Variants in ENTREP2 observed in about 807,000 individuals in gnomAD.
The protein encoded by ENTREP2 is protein ENTREP2.
chr15:29,130,273 C>T, the ENTREP2 span, among the ~76,000 whole-genome samples: 1 of 152,222 alleles, frequency 6.6e-6, no homozygotes, highest in Non-Finnish European at 1.5e-5. Context: ...CCTTAGCCCT[C>T]TCATTCTGCT....
the ENTREP2 span, among the ~76,000 whole-genome samples, chr15:29,491,176 G>A: frequency 6.6e-6 from 1 of 152,198 alleles, no homozygotes; most frequent in African/African-American, 2.4e-5. Flanking sequence ...CCGAGTGTGG[G>A]GCCGCTGCCT....
At chr15:29,625,376 G>A in the ENTREP2 span, among the ~76,000 whole-genome samples, 1 of 152,190 alleles carries the variant, frequency 6.6e-6, no homozygotes, top group Non-Finnish European at 1.5e-5. Flanking sequence ...CTACTGGGTT[G>A]TATTGTTAGT....
chr15:29,236,875 T>TA, the ENTREP2 span, among the ~76,000 whole-genome samples: 4 of 145,550 alleles, frequency 2.7e-5, no homozygotes, highest in East Asian at 4.0e-4. Flanking sequence ...ATAGTTGAAA[T>TA]AAAAAAAAGA....
chr15:29,551,611 TG>T, the ENTREP2 span, among the ~76,000 whole-genome samples: 1 of 151,938 alleles, frequency 6.6e-6, no homozygotes, highest in African/African-American at 2.4e-5. Context: ...AAAAACTAAA[TG>T]GTTCTTTTCT....
chr15:29,224,023 C>A, the ENTREP2 span, among the ~76,000 whole-genome samples: 1 of 152,212 alleles, frequency 6.6e-6, no homozygotes, highest in African/African-American at 2.4e-5. Context: ...GTCGCACTGA[C>A]TTCCAGAACG....
chr15:29,517,766 C>T, the ENTREP2 span, among the ~76,000 whole-genome samples: 21 of 152,100 alleles, frequency 1.4e-4, no homozygotes, highest in African/African-American at 5.1e-4. Flanking sequence ...CATTTTATGT[C>T]ATTTTTCTTC....
the ENTREP2 span, among the ~76,000 whole-genome samples, chr15:29,179,530 C>T: frequency 3.3e-5 from 5 of 150,978 alleles, no homozygotes; most frequent in Non-Finnish European, 5.9e-5. Flanking sequence ...TTTGAGTCAT[C>T]GGAGTCTGCG....
the ENTREP2 span, among the ~76,000 whole-genome samples, chr15:29,401,457 T>C: frequency 6.6e-6 from 1 of 152,326 alleles, no homozygotes; most frequent in South Asian, 2.1e-4. Context: ...AGATAAGTAT[T>C]TTTTTCAACG....
the ENTREP2 span, among the ~76,000 whole-genome samples, chr15:29,161,888 C>T: frequency 1.3e-4 from 20 of 152,082 alleles, no homozygotes; most frequent in East Asian, 3.7e-3. Context: ...AGCTCCAGAT[C>T]GACTGCAAGA....
the ENTREP2 span, among the ~76,000 whole-genome samples, chr15:29,305,426 C>T: frequency 2.6e-5 from 4 of 152,116 alleles, no homozygotes; most frequent in African/African-American, 9.7e-5. Flanking sequence ...AGGAGTAGCG[C>T]CAGGGAGAGT....
chr15:29,646,396 T>C, the ENTREP2 span, among the ~76,000 whole-genome samples: 1 of 152,182 alleles, frequency 6.6e-6, no homozygotes, highest in Non-Finnish European at 1.5e-5. Flanking sequence ...TTCCATACAG[T>C]TGTAGGACTG....
chr15:29,519,113 T>C, the ENTREP2 span, among the ~76,000 whole-genome samples: 30 of 152,160 alleles, frequency 2.0e-4, no homozygotes, highest in African/African-American at 6.5e-4. Flanking sequence ...CTACATTTCT[T>C]GGTATTCTAA....
At chr15:29,572,655 TAC>T in the ENTREP2 span, among the ~76,000 whole-genome samples, 2 of 152,018 alleles carry the variant, frequency 1.3e-5, no homozygotes, top group African/African-American at 2.4e-5. Context: ...ATTAGTGAAT[TAC>T]AGTTTATTGA....
the ENTREP2 span, among the ~76,000 whole-genome samples, chr15:29,280,740 G>GCCTTC: frequency 2.0e-5 from 3 of 152,188 alleles, no homozygotes; most frequent in African/African-American, 7.2e-5. Context: ...CCGGGGAACC[G>GCCTTC]CCATGGGAAG....
chr15:29,175,628 G>A, the ENTREP2 span, among the ~76,000 whole-genome samples: 22 of 152,118 alleles, frequency 1.4e-4, no homozygotes, highest in Admixed American at 5.9e-4. Flanking sequence ...TTTTTGAGAC[G>A]GAGTCTCACT....
At chr15:29,506,977 T>A in the ENTREP2 span, among the ~76,000 whole-genome samples, 1 of 151,252 alleles carries the variant, frequency 6.6e-6, no homozygotes, top group Non-Finnish European at 1.5e-5. Context: ...GGATAAAGAG[T>A]CAAGACCCAT....
the ENTREP2 span, among the ~76,000 whole-genome samples, chr15:29,288,468 T>C: frequency 6.6e-6 from 1 of 152,202 alleles, no homozygotes; most frequent in Non-Finnish European, 1.5e-5. Context: ...CCCACATGGC[T>C]CACTCCCTTG....
chr15:29,185,814 G>A, the ENTREP2 span, among the ~76,000 whole-genome samples: 10 of 152,076 alleles, frequency 6.6e-5, no homozygotes, highest in Non-Finnish European at 1.0e-4. Flanking sequence ...TGCCCACCTC[G>A]GCCTCCCAAA....
At chr15:29,421,219 C>G in the ENTREP2 span, among the ~76,000 whole-genome samples, 1 of 152,182 alleles carries the variant, frequency 6.6e-6, no homozygotes, top group African/African-American at 2.4e-5. Flanking sequence ...GTACTGACTT[C>G]AAGAGTAAGT....
Sources: allele counts gnomAD v4.1 joint callset (sites outside exome capture counted in the v4.1 genomes callset), GRCh38; gene constraint gnomAD v4.1.1; transcripts MANE v1.5; gene names NCBI Gene and HGNC (gene_info 2026-07-23, HGNC 2026-07-21).